The following ADAM12 variants were observed in gnomAD, a reference collection of about 807,000 sequenced individuals.
ADAM12 encodes disintegrin and metalloproteinase domain-containing protein 12.
Under a neutral mutation model 106.4 loss-of-function variants are expected in ADAM12, and 70 were observed. The observed-to-expected ratio is 0.66, with a 90% confidence interval of 0.54 to 0.80. The LOEUF is 0.80. Ranked by LOEUF, ADAM12 falls within the 30% of genes least tolerant of loss-of-function variation. ADAM12 has a pLI of 0.00. For missense variants in ADAM12, 1,010 were observed against 1,171.9 expected, an observed-to-expected ratio of 0.86 and a Z score of 2.02; for synonymous variants, 420 against 433.5, an observed-to-expected ratio of 0.97 and a Z score of 0.39.
intron 21 of ADAM12, among the ~76,000 whole-genome samples, chr10:126,031,366 A>C (rs1252319605): frequency 3.3e-5 from 5 of 152,264 alleles, no homozygotes; most frequent in Non-Finnish European, 5.9e-5. Context: ...ACACCCACAC[A>C]GGTCCAGAAG....
intron 3 of ADAM12, among the ~76,000 whole-genome samples, chr10:126,158,977 C>T (rs958061250): frequency 3.3e-5 from 5 of 152,110 alleles, no homozygotes; most frequent in Admixed American, 6.5e-5. Flanking sequence ...AGCCTATTCT[C>T]TACTGAGCCA....
rs1446624866 is a variant in ADAM12 at position 126,049,516 on chromosome 10, G to A, written c.1718+45C>T. On this transcript the variant is annotated intron_variant, in intron 15 of 22. Transcript: ENST00000448723. This position sits in a 1 kb window ranked among gnomAD's most constrained non-coding sequence, Gnocchi z 4.4. ...TTTGGAACCAACCCTATGCAATGTG[G>A]GAAGGTCAGAGCAAAGACTTTGCCA... 1.9e-6 allele frequency: 3 copies of A among 1,613,514 alleles called. No individual in the cohort carries two copies. The highest frequency in any genetic ancestry group is 1.6e-4 in the Middle Eastern group (1 of 6,084).
chr10:126,216,240 G>C (rs1248894588), intron 3 of ADAM12, among the ~76,000 whole-genome samples: 1 of 152,182 alleles, frequency 6.6e-6, no homozygotes, highest in African/African-American at 2.4e-5. Context: ...CAGTATTTAA[G>C]TGACTACTTT....
At chr10:126,219,059 G>T (rs1424638704) in intron 3 of ADAM12, among the ~76,000 whole-genome samples, 1 of 152,208 alleles carries the variant, frequency 6.6e-6, no homozygotes, top group Non-Finnish European at 1.5e-5. Context: ...GTAACTAACA[G>T]GGCCAGAATG....
rs921161880 is a variant in ADAM12 at position 126,222,116 on chromosome 10, A to T, written c.260+56799T>A. On this transcript the variant is annotated intron_variant, in intron 3 of 22. Coordinates refer to ENST00000448723, the MANE Select transcript of ADAM12 (RefSeq NM_001288973.2). ...ACACGTGAACATAGGCATTACACGGAACCATGGGCACCGTTCTTCTCTGGA... is the reference window on the plus strand; with the variant it reads ...ACACGTGAACATAGGCATTACACGGTACCATGGGCACCGTTCTTCTCTGGA... 3.9e-5 allele frequency among the ~76,000 whole-genome samples: 6 copies of T among 152,310 alleles called. No homozygotes were observed. The South Asian group carries it at 1.2e-3, about 32-fold the overall frequency.
chr10:126,333,350 T>C (rs893417412), intron 1 of ADAM12, among the ~76,000 whole-genome samples: 5 of 152,234 alleles, frequency 3.3e-5, no homozygotes, highest in Admixed American at 6.5e-5. Context: ...GATGGGATGG[T>C]TTCCATGGGT....
chr10:126,316,792 A>AG (rs1295659643), intron 2 of ADAM12, among the ~76,000 whole-genome samples: 14 of 151,906 alleles, frequency 9.2e-5, no homozygotes, highest in African/African-American at 3.4e-4. Flanking sequence ...TCAAAAAAAA[A>AG]AAAAAAAAAG....
intron 1 of ADAM12, among the ~76,000 whole-genome samples, chr10:126,340,336 C>A (rs1854879779): frequency 6.6e-6 from 1 of 152,160 alleles, no homozygotes; most frequent in Non-Finnish European, 1.5e-5. Flanking sequence ...GCTAATTAAG[C>A]AATTGCTATG....
chr10:126,224,884 G>C (rs1648283598), intron 3 of ADAM12, among the ~76,000 whole-genome samples: 2 of 152,224 alleles, frequency 1.3e-5, no homozygotes, highest in Admixed American at 1.3e-4. Flanking sequence ...GGAGACGAGG[G>C]AGCAATTACT....
intron 11 of ADAM12, 90 bp from the exon 12 acceptor site, chr10:126,071,744 C>T (rs1480220995): frequency 2.7e-5 from 38 of 1,404,540 alleles, no homozygotes; most frequent in Non-Finnish European, 3.8e-5. Flanking sequence ...ACCCACTGGC[C>T]ACATCTGCCC....
intron 3 of ADAM12, among the ~76,000 whole-genome samples, chr10:126,164,172 A>G (rs1956985058): frequency 6.6e-6 from 1 of 152,252 alleles, no homozygotes; most frequent in African/African-American, 2.4e-5. Flanking sequence ...CATTGATGAC[A>G]TGTCAACTTT....
At chr10:126,330,661 A>C in intron 1 of ADAM12, 152 bp from the exon 2 acceptor site, 1 of 625,204 alleles carries the variant, frequency 1.6e-6, no homozygotes, top group Non-Finnish European at 2.7e-6. Flanking sequence ...AAAGTGTTAA[A>C]ACTGCTGAAT....
At chr10:126,317,460 CTGAA>C (rs1853922066) in intron 2 of ADAM12, among the ~76,000 whole-genome samples, 2 of 152,150 alleles carry the variant, frequency 1.3e-5, no homozygotes, top group Admixed American at 6.5e-5. Context: ...ATTATGCCAG[CTGAA>C]TGAAACATTT....
chr10:126,340,358 C>A (rs1854880546), intron 1 of ADAM12, among the ~76,000 whole-genome samples: 1 of 152,174 alleles, frequency 6.6e-6, no homozygotes, highest in African/African-American at 2.4e-5. Flanking sequence ...AAGGAAGCCC[C>A]ATTCTAATCT....
At chr10:126,187,165 T>C (rs1677876722) in intron 3 of ADAM12, among the ~76,000 whole-genome samples, 1 of 152,174 alleles carries the variant, frequency 6.6e-6, no homozygotes, top group African/African-American at 2.4e-5. Flanking sequence ...ATCGTGGGAA[T>C]TACTACATCA....
intron 16 of ADAM12, among the ~76,000 whole-genome samples, chr10:126,046,783 C>G (rs1410001694): frequency 8.9e-6 from 1 of 111,984 alleles, no homozygotes; most frequent in Non-Finnish European, 1.6e-5. Flanking sequence ...AGTCTGGCGA[C>G]AGAGAGAGAT....
At chr10:126,168,148 C>A (rs1323097375) in intron 3 of ADAM12, among the ~76,000 whole-genome samples, 2 of 152,196 alleles carry the variant, frequency 1.3e-5, no homozygotes, top group African/African-American at 4.8e-5. Context: ...TTCAGCTGGG[C>A]TAACTGATGG....
At chr10:126,243,415 A>G (rs1958565936) in intron 3 of ADAM12, among the ~76,000 whole-genome samples, 1 of 151,720 alleles carries the variant, frequency 6.6e-6, no homozygotes, top group South Asian at 2.1e-4. Flanking sequence ...TAATTCTCTC[A>G]GTTCCCCAGG....
intron 14 of ADAM12, among the ~76,000 whole-genome samples, chr10:126,052,400 C>T (rs926250482): frequency 1.3e-5 from 2 of 152,216 alleles, no homozygotes; most frequent in Admixed American, 6.5e-5. Context: ...TGCCATTGCA[C>T]GCAATGCTAT....
Sources: gnomAD v4.1 joint callset for allele counts (sites outside exome capture counted in the v4.1 genomes callset) on GRCh38, gnomAD v4.1.1 for gene constraint, Gnocchi (gnomAD v3.1) non-coding constraint, MANE v1.5 for transcripts, NCBI Gene and HGNC (gene_info 2026-07-23, HGNC 2026-07-21) for gene names.